The following FRMD5 variants were observed in gnomAD, a reference collection of about 807,000 sequenced individuals.
FRMD5 encodes the protein FERM domain-containing protein 5.
FRMD5 carries 20 observed loss-of-function variants against 69.0 expected under a neutral mutation model. That is an observed-to-expected ratio of 0.29 (90% confidence interval 0.20 to 0.42). The LOEUF (loss-of-function observed/expected upper bound fraction) is 0.42, where lower values mean the gene tolerates loss of function less well. Among genes scored for constraint, FRMD5 ranks in the 10% least tolerant of loss-of-function variants. FRMD5 has a pLI of 1.00. For missense variants in FRMD5, 595 were observed against 708.6 expected (o/e 0.84, Z 1.82); for synonymous variants, 271 against 260.1 (o/e 1.04, Z -0.40).
Position 44,035,562 on chromosome 15 carries a change from C to T in FRMD5, c.103-111253G>A, listed in dbSNP as rs559155484. ...TTGAAGGCATCAAAATCCGTTTTACCTCCCAAAGAGTATTTGATTTTTCTT... is the reference window on the plus strand; with the variant it reads ...TTGAAGGCATCAAAATCCGTTTTACTTCCCAAAGAGTATTTGATTTTTCTT... On this transcript the variant is annotated intron_variant, in intron 1 of 13. Transcript: ENST00000417257. Among the ~76,000 whole-genome samples the T allele has an allele frequency of 3.2e-4, 48 of 152,252 alleles. 2 individuals are homozygous for T. Among genetic ancestry groups the T allele is most frequent in the African/African-American group, 1.1e-3 (46 of 41,548 alleles).
rs2088224301 is a variant in FRMD5, at chr15:43,873,588, A to G, written c.*297T>C. 8 of 1,430,410 alleles carry G rather than the reference A, an allele frequency of 5.6e-6. No homozygotes were observed. The highest frequency in any genetic ancestry group is 2.0e-4 in the Middle Eastern group (1 of 4,970). The allele number at this position is 1,430,410 out of a possible 1,614,324, so 88.6% of individuals were successfully genotyped here. On this transcript the variant is annotated 3_prime_UTR_variant, in exon 14 of 14. Transcript: ENST00000417257. ...CTTCAAAATAATATACATCTATGAA[A>G]AATCAAAATTCAAAACCAAAAATTA...
intron 1 of FRMD5, among the ~76,000 whole-genome samples, chr15:44,104,051 C>A (rs2076678570): frequency 6.6e-6 from 1 of 152,052 alleles, no homozygotes; most frequent in Admixed American, 6.6e-5. Context: ...TTATCATTAA[C>A]CATGTGTGTT....
intron 1 of FRMD5, among the ~76,000 whole-genome samples, chr15:43,997,226 A>G (rs1406892350): frequency 6.6e-6 from 1 of 152,162 alleles, no homozygotes; most frequent in African/African-American, 2.4e-5. Context: ...TCATCTCACA[A>G]TACTCTAACT....
In FRMD5 at chr15:43,989,567, C is replaced by T. The variant is rs958481825; in HGVS notation, c.103-65258G>A. The T allele has an allele frequency of 2.8e-5, 24 of 865,894 alleles. 1 individual carries two copies. Among genetic ancestry groups the T allele is most frequent in the Non-Finnish European group, 4.0e-5 (20 of 502,482 alleles). The allele number at this position is 865,894 out of a possible 1,614,324, so 53.6% of individuals were successfully genotyped here. On this transcript the variant is annotated intron_variant, in intron 1 of 13. Coordinates refer to ENST00000417257, the MANE Select transcript of FRMD5 (RefSeq NM_032892.5). ...CTCCTTGATGTCATGCACAATTTCC[C>T]GCTTGGCTGTGGCGGTGAAGATGTA...
At chr15:43,919,732 G>A in intron 3 of FRMD5, 35 bp downstream of exon 3, 2 of 1,603,886 alleles carry the variant, frequency 1.2e-6, no homozygotes, top group Non-Finnish European at 1.7e-6. Context: ...CCTCCCCAGG[G>A]GTGTGGCTTG....
chr15:43,906,003 T>A (rs112696517), intron 5 of FRMD5, 52 bp from the exon 6 acceptor site: 2 of 1,611,002 alleles, frequency 1.2e-6, no homozygotes, highest in East Asian at 4.5e-5. Context: ...TAAATCATCA[T>A]TGACAAAGCA....
At chr15:43,939,502 G>A (rs74009159) in intron 1 of FRMD5, among the ~76,000 whole-genome samples, 13,852 of 152,062 alleles carry the variant, frequency 0.091, 1,127 homozygotes, top group African/African-American at 0.22. Flanking sequence ...TTCTCCCCAG[G>A]TAGAGTGTCT....
At chr15:43,877,344 C>T (rs1374273698) in intron 13 of FRMD5, among the ~76,000 whole-genome samples, 2 of 152,152 alleles carry the variant, frequency 1.3e-5, no homozygotes, top group Non-Finnish European at 2.9e-5. Flanking sequence ...TCTCTTTTTT[C>T]CCCTTCTTCC....
chr15:44,155,262 T>C (rs2077508459), intron 1 of FRMD5, among the ~76,000 whole-genome samples: 1 of 151,942 alleles, frequency 6.6e-6, no homozygotes, highest in Non-Finnish European at 1.5e-5. Context: ...TGAAACCCCG[T>C]CTCTACTAAA....
intron 1 of FRMD5, among the ~76,000 whole-genome samples, chr15:43,937,391 T>C (rs1326119946): frequency 2.6e-5 from 4 of 152,156 alleles, no homozygotes; most frequent in African/African-American, 4.8e-5. Context: ...CTCATGCCTG[T>C]AATCCCAGCA....
intron 1 of FRMD5, among the ~76,000 whole-genome samples, chr15:44,015,132 C>A (rs1324983497): frequency 3.3e-5 from 5 of 151,614 alleles, no homozygotes; most frequent in African/African-American, 1.2e-4. Context: ...GCAAGCCTTA[C>A]TGAAACTTTT....
At chr15:44,005,640 G>T (rs952749537) in intron 1 of FRMD5, among the ~76,000 whole-genome samples, 13 of 152,248 alleles carry the variant, frequency 8.5e-5, no homozygotes, top group African/African-American at 2.9e-4. Context: ...CAAAGGGGAA[G>T]CAAGGCATCT....
intron 1 of FRMD5, among the ~76,000 whole-genome samples, chr15:44,104,385 G>A (rs1413829381): frequency 2.0e-5 from 3 of 152,236 alleles, no homozygotes; most frequent in African/African-American, 4.8e-5. Flanking sequence ...TAAATTTAGT[G>A]TAGCTTAAGT....
At chr15:44,189,447 T>C (rs1353795503) in intron 1 of FRMD5, among the ~76,000 whole-genome samples, 1 of 152,060 alleles carries the variant, frequency 6.6e-6, no homozygotes, top group Non-Finnish European at 1.5e-5. Flanking sequence ...CCCTGGTTTA[T>C]CTTTGGCTCT....
intron 12 of FRMD5, 24 bp downstream of exon 12, chr15:43,884,703 G>C (rs201528357): frequency 1.2e-6 from 2 of 1,604,618 alleles, no homozygotes; most frequent in Non-Finnish European, 1.7e-6. Flanking sequence ...ACAACTGTTT[G>C]GGGGGAAGCC....
chr15:44,065,349 A>G (rs1482770224), intron 1 of FRMD5, among the ~76,000 whole-genome samples: 2 of 152,192 alleles, frequency 1.3e-5, no homozygotes, highest in Admixed American at 6.5e-5. Flanking sequence ...TACAATTTAG[A>G]AATCAATTCA....
At chr15:43,966,504 C>G (rs540426149) in intron 1 of FRMD5, among the ~76,000 whole-genome samples, 15 of 152,140 alleles carry the variant, frequency 9.9e-5, no homozygotes, top group African/African-American at 3.6e-4. Context: ...TGATTAATTG[C>G]CAAACCAATC....
intron 1 of FRMD5, among the ~76,000 whole-genome samples, chr15:44,129,221 T>A (rs1014363907): frequency 1.1e-4 from 17 of 152,350 alleles, no homozygotes; most frequent in Admixed American, 3.3e-4. Flanking sequence ...TGCTATTTTT[T>A]AAAGTCAATT....
At position 44,124,156 on chromosome 15, in the gene FRMD5, C is replaced by A. The variant is rs145387593; in HGVS notation, c.102+70797G>T. On this transcript the variant is annotated intron_variant, in intron 1 of 13. Transcript: ENST00000417257. ...TACAAGCACTCACCACCATGCCTGGCTATTTTTTGTATTTTTAGTAGAGAT... is the reference window on the plus strand; with the variant it reads ...TACAAGCACTCACCACCATGCCTGGATATTTTTTGTATTTTTAGTAGAGAT... Among the ~76,000 whole-genome samples the A allele has an allele frequency of 7.3e-3, 1,105 of 151,958 alleles. 14 individuals are homozygous for A. The highest frequency in any genetic ancestry group is 0.026 in the African/African-American group (1,063 of 41,460).
Sources: gnomAD v4.1 joint callset for allele counts (sites outside exome capture counted in the v4.1 genomes callset) on GRCh38, gnomAD v4.1.1 for gene constraint, MANE v1.5 for transcripts, NCBI Gene and HGNC (gene_info 2026-07-23, HGNC 2026-07-21) for gene names.